The following TIAM2 variants were observed in gnomAD, a reference collection of about 807,000 sequenced individuals.
TIAM2 encodes rho guanine nucleotide exchange factor TIAM2.
Under a neutral mutation model 152.9 loss-of-function variants are expected in TIAM2, and 80 were observed. The ratio of observed to expected loss-of-function variants is 0.52; its 90% CI spans 0.44 to 0.63. TIAM2 has a LOEUF of 0.63. Ranked by LOEUF, TIAM2 falls within the 30% of genes least tolerant of loss-of-function variation. The probability of loss-of-function intolerance (pLI) is 0.00; values close to 1 mark genes in which losing one functional copy is unlikely to be tolerated. For synonymous variants in TIAM2, 804 were observed against 838.0 expected, an observed-to-expected ratio of 0.96 and a Z score of 0.70; for missense variants, 1,965 against 2,120.1, an observed-to-expected ratio of 0.93 and a Z score of 1.44.
Position 155,156,006 on chromosome 6 carries a change from A to G in TIAM2, c.2028+7672A>G, listed in dbSNP as rs1780099662. On this transcript the variant is annotated intron_variant, in intron 7 of 26. Coordinates refer to ENST00000682666, the MANE Select transcript of TIAM2 (RefSeq NM_012454.4). The surrounding 1 kb of genome is among the most constrained non-coding windows in gnomAD (Gnocchi z 4.4). ...GAGCTCTCAGTCTAGCAGGTGACAG[A>G]CAGTTGAGCATACAATTTCAACATA... 6.6e-6 allele frequency among the ~76,000 whole-genome samples: 1 copy of G among 152,216 alleles called. No homozygotes were observed. Among genetic ancestry groups the G allele is most frequent in the African/African-American group, 2.4e-5 (1 of 41,456 alleles).
intron 15 of TIAM2, among the ~76,000 whole-genome samples, chr6:155,219,452 C>G (rs926681733): frequency 6.6e-6 from 1 of 152,132 alleles, no homozygotes; most frequent in Admixed American, 6.5e-5. Context: ...CACCAGGGGT[C>G]AGAGTTGGGC....
chr6:155,118,092 G>A (rs959447177), intron 2 of TIAM2, among the ~76,000 whole-genome samples: 1 of 152,198 alleles, frequency 6.6e-6, no homozygotes, highest in Non-Finnish European at 1.5e-5. Flanking sequence ...TGGTCGTGCC[G>A]TGGTGTTTCT....
chr6:155,185,978 C>T (rs1215383003), intron 14 of TIAM2, among the ~76,000 whole-genome samples: 6 of 152,280 alleles, frequency 3.9e-5, no homozygotes, highest in Admixed American at 6.5e-5. Flanking sequence ...GAGGTAGTTG[C>T]GTTGCTTGTG....
In TIAM2 at chr6:155,230,724, C is replaced by A. The variant is rs532629271; in HGVS notation, c.3169-9806C>A. 4.6e-5 allele frequency among the ~76,000 whole-genome samples: 7 copies of A among 152,124 alleles called. No individual in the cohort carries two copies. The East Asian group carries it at 1.3e-3, about 29-fold the overall frequency. ...AAAATAACTTGAAAGGCAGTGTTAA[C>A]CACTGCATTTATTATACATGTAGTT... On this transcript the variant is annotated intron_variant, in intron 15 of 26. Transcript: ENST00000682666.
chr6:155,191,915 A>G (rs1303244826), intron 14 of TIAM2, among the ~76,000 whole-genome samples: 1 of 152,204 alleles, frequency 6.6e-6, no homozygotes, highest in Non-Finnish European at 1.5e-5. Flanking sequence ...CACCCCAAAC[A>G]TGTCCACATT....
At chr6:155,224,613 CA>C (rs1025083052) in intron 15 of TIAM2, among the ~76,000 whole-genome samples, 1 of 152,190 alleles carries the variant, frequency 6.6e-6, no homozygotes, top group African/African-American at 2.4e-5. Flanking sequence ...AAGGCACCCC[CA>C]ATTCTCTTTC....
intron 14 of TIAM2, among the ~76,000 whole-genome samples, chr6:155,201,463 G>A (rs1431316362): frequency 2.6e-5 from 4 of 152,144 alleles, no homozygotes; most frequent in Non-Finnish European, 5.9e-5. Context: ...GTGGGTGTCC[G>A]TTTCCTTGCA....
At chr6:155,165,896 C>T (rs1420131284) in intron 9 of TIAM2, among the ~76,000 whole-genome samples, 1 of 151,818 alleles carries the variant, frequency 6.6e-6, no homozygotes, top group Non-Finnish European at 1.5e-5. Context: ...TCCCGGCACC[C>T]CTGAAGAGGT....
At chr6:155,225,794 T>C (rs1782220922) in intron 15 of TIAM2, among the ~76,000 whole-genome samples, 1 of 152,232 alleles carries the variant, frequency 6.6e-6, no homozygotes, top group Non-Finnish European at 1.5e-5. Context: ...AAGATAGGTA[T>C]TGTTCCATAT....
chr6:155,042,837 C>G (rs1406536592), intron 1 of TIAM2, among the ~76,000 whole-genome samples: 1 of 152,112 alleles, frequency 6.6e-6, no homozygotes, highest in Non-Finnish European at 1.5e-5. Flanking sequence ...ACTATAGTTT[C>G]CATGTTGTAC....
intron 1 of TIAM2, among the ~76,000 whole-genome samples, chr6:155,011,081 T>G (rs1057263772): frequency 2.0e-5 from 3 of 152,108 alleles, no homozygotes; most frequent in Admixed American, 2.0e-4. Context: ...GCTGTTCTTT[T>G]CAGTCCTTGG....
intron 22 of TIAM2, 58 bp downstream of exon 22, chr6:155,251,079 T>C: frequency 2.7e-6 from 4 of 1,464,186 alleles, no homozygotes; most frequent in Non-Finnish European, 3.8e-6. Flanking sequence ...ACGGAAGAAC[T>C]TCACTAGCCG....
chr6:155,042,155 G>A (rs1316624268), intron 1 of TIAM2, among the ~76,000 whole-genome samples: 1 of 151,792 alleles, frequency 6.6e-6, no homozygotes, highest in Non-Finnish European at 1.5e-5. Context: ...CCTTTCAGGC[G>A]GCTGCCTCAG....
chr6:155,004,960 G>T (rs12216527), intron 1 of TIAM2: 39,048 of 282,708 alleles, frequency 0.14, 2,760 homozygotes, highest in Middle Eastern at 0.16. Context: ...GTCCCTCTCA[G>T]CTTCCCAGGC....
chr6:155,123,687 C>G (rs1006026571), intron 2 of TIAM2, among the ~76,000 whole-genome samples: 1 of 152,166 alleles, frequency 6.6e-6, no homozygotes, highest in Non-Finnish European at 1.5e-5. Flanking sequence ...CTGACACAGT[C>G]GGCCACTCAA....
intron 2 of TIAM2, among the ~76,000 whole-genome samples, chr6:155,106,068 G>C (rs1778681340): frequency 6.6e-6 from 1 of 151,408 alleles, no homozygotes. Context: ...GCAGTGGCGT[G>C]ATCTCGGCTC....
At chr6:155,061,745 A>G (rs1777583366) in intron 1 of TIAM2, among the ~76,000 whole-genome samples, 1 of 152,202 alleles carries the variant, frequency 6.6e-6, no homozygotes, top group Non-Finnish European at 1.5e-5. Flanking sequence ...ATATATTTCC[A>G]GCGAAGTTAC....
intron 9 of TIAM2, among the ~76,000 whole-genome samples, chr6:155,172,664 ATATATATATATATATATATATATTTTT>A (rs1379497089): frequency 2.6e-3 from 20 of 7,548 alleles, no homozygotes; most frequent in African/African-American, 5.5e-3. Context: ...ATATATATAT[ATATATATATATATATATATATATTTTT>A]TTTTTTTTTT....
chr6:155,240,146 G>A (rs964717763), intron 15 of TIAM2, among the ~76,000 whole-genome samples: 1 of 152,204 alleles, frequency 6.6e-6, no homozygotes, highest in Admixed American at 6.5e-5. Context: ...GAGGGGACTG[G>A]GTGGGCCTGT....
Sources: allele counts gnomAD v4.1 joint callset (sites outside exome capture counted in the v4.1 genomes callset), GRCh38; gene constraint gnomAD v4.1.1; non-coding constraint Gnocchi (gnomAD v3.1); transcripts MANE v1.5; gene names NCBI Gene and HGNC (gene_info 2026-07-23, HGNC 2026-07-21).